Variants in TBCK observed in about 807,000 individuals in gnomAD.
TBCK encodes the protein TBC domain-containing protein kinase-like protein.
A neutral mutation model predicts 113.4 loss-of-function variants in TBCK; 99 were observed. The ratio of observed to expected loss-of-function variants is 0.87; its 90% CI spans 0.74 to 1.03. TBCK has a LOEUF of 1.03. TBCK is among the 50% of genes least tolerant of loss of function. The probability of loss-of-function intolerance (pLI) is 0.00; values close to 1 mark genes in which losing one functional copy is unlikely to be tolerated. For missense variants in TBCK, 1,045 were observed against 1,061.3 expected (o/e 0.98, Z 0.21); for synonymous variants, 369 against 370.8 (o/e 1.00, Z 0.05).
intron 25 of TBCK, among the ~76,000 whole-genome samples, chr4:106,087,621 C>T (rs879668130): frequency 2.0e-5 from 3 of 152,136 alleles, no homozygotes; most frequent in Non-Finnish European, 4.4e-5. Flanking sequence ...CCCATATAGG[C>T]AAGACAATCC....
chr4:106,222,154 C>T (rs1757770164), intron 19 of TBCK, among the ~76,000 whole-genome samples: 1 of 151,374 alleles, frequency 6.6e-6, no homozygotes, highest in South Asian at 2.1e-4. Flanking sequence ...TATTATATTA[C>T]AGTATAAAAT....
chr4:106,310,612 A>G (rs1381284621), intron 1 of TBCK: 1 of 152,216 alleles, frequency 6.6e-6, no homozygotes, highest in African/African-American at 2.4e-5. Flanking sequence ...AACTCCTCAC[A>G]ATTCCGGAAT....
intron 20 of TBCK, among the ~76,000 whole-genome samples, chr4:106,203,374 C>T (rs1560813859): frequency 1.3e-5 from 2 of 150,916 alleles, no homozygotes; most frequent in African/African-American, 2.4e-5. Flanking sequence ...TATTTTAATA[C>T]AGTTTTTTAC....
intron 3 of TBCK, among the ~76,000 whole-genome samples, chr4:106,286,559 T>G (rs1401182431): frequency 6.6e-6 from 1 of 152,164 alleles, no homozygotes; most frequent in East Asian, 1.9e-4. Flanking sequence ...TGGTGGCTCA[T>G]GCCTGTGCCT....
At chr4:106,215,100 A>G (rs1756705469) in intron 19 of TBCK, among the ~76,000 whole-genome samples, 1 of 151,446 alleles carries the variant, frequency 6.6e-6, no homozygotes, top group Non-Finnish European at 1.5e-5. Flanking sequence ...CTAGAATTTC[A>G]TATCCAGCCA....
intron 25 of TBCK, among the ~76,000 whole-genome samples, chr4:106,073,331 T>C (rs1737724715): frequency 6.6e-6 from 1 of 152,230 alleles, no homozygotes; most frequent in African/African-American, 2.4e-5. Flanking sequence ...TTTCTGTTTG[T>C]TAGTCTTCCT....
chr4:106,150,946 T>C lies in TBCK; in HGVS notation c.2235+20149A>G, dbSNP rs73838111. 2.5e-3 allele frequency among the ~76,000 whole-genome samples: 376 copies of C among 152,192 alleles called. 1 individual carries two copies. The highest frequency in any genetic ancestry group is 8.3e-3 in the African/African-American group (346 of 41,578). ...GAATTAAGCTCTGAGGGTCCAATGA[T>C]AAGAACAGTCCTTTCCTTAATGCAC... On this transcript the variant is annotated intron_variant, in intron 23 of 25. Transcript: ENST00000394708.
At chr4:106,172,598 GT>G (rs1751164734) in intron 22 of TBCK, among the ~76,000 whole-genome samples, 1 of 152,110 alleles carries the variant, frequency 6.6e-6, no homozygotes, top group Non-Finnish European at 1.5e-5. Context: ...ATGTCAGAAA[GT>G]GGTAAGTTCT....
chr4:106,171,361 T>G, intron 22 of TBCK, 91 bp from the exon 23 acceptor site: 1 of 895,858 alleles, frequency 1.1e-6, no homozygotes, highest in Non-Finnish European at 1.7e-6. Flanking sequence ...TGAATATATC[T>G]AAATATGGCT....
chr4:106,087,260 A>G (rs1226441173), intron 25 of TBCK, among the ~76,000 whole-genome samples: 1 of 152,252 alleles, frequency 6.6e-6, no homozygotes, highest in Non-Finnish European at 1.5e-5. Flanking sequence ...TCAATGTGCA[A>G]AAATCACAAG....
Position 106,251,937 on chromosome 4 carries a change from T to C in TBCK, c.526A>G (p.Lys176Glu). Residue 176 changes from lysine to glutamate, a missense_variant, in exon 6 of 26, where the codon AAA becomes GAA. Lys to Glu is a moderately conservative substitution (Grantham distance 56, BLOSUM62 1). Transcript: ENST00000394708. ...TTGGGGCCAGAAGGCAATGGTTTTT[T>C]ACTTGGCATGTGATCAGTGGTTTTG... ...IFKTTDHMPS[K>E]KPLPSGPKSD... 6.2e-7 allele frequency: 1 copy of C among 1,611,966 alleles called. No individual in the cohort carries two copies. The highest frequency in any genetic ancestry group is 1.1e-5 in the South Asian group (1 of 90,754).
chr4:106,169,721 A>G (rs1467577982), intron 23 of TBCK, among the ~76,000 whole-genome samples: 9 of 152,120 alleles, frequency 5.9e-5, no homozygotes, highest in African/African-American at 1.9e-4. Flanking sequence ...TTATTACATC[A>G]TAATATATAA....
In TBCK at chr4:106,272,484, T is replaced by C. The variant is rs948626775; in HGVS notation, c.267-10272A>G. Among the ~76,000 whole-genome samples the C allele has an allele frequency of 1.8e-3, 268 of 147,458 alleles. 2 individuals carry two copies. The highest frequency in any genetic ancestry group is 6.1e-4 in the Non-Finnish European group (41 of 67,276). ...TACTCAGCTCCAAAGTCATTGTTTATTTAATTTTTTTTTTTTTTTTTTTTT... is the reference window on the plus strand; with the variant it reads ...TACTCAGCTCCAAAGTCATTGTTTACTTAATTTTTTTTTTTTTTTTTTTTT... On this transcript the variant is annotated intron_variant, in intron 3 of 25. Coordinates refer to ENST00000394708, the MANE Select transcript of TBCK (RefSeq NM_001163435.3).
At chr4:106,149,174 G>T (rs1748187198) in intron 23 of TBCK, among the ~76,000 whole-genome samples, 1 of 152,148 alleles carries the variant, frequency 6.6e-6, no homozygotes, top group Non-Finnish European at 1.5e-5. Flanking sequence ...GGAATGTTGT[G>T]GCTGACTCAA....
intron 24 of TBCK, among the ~76,000 whole-genome samples, chr4:106,113,537 C>T (rs895188204): frequency 3.3e-5 from 5 of 152,176 alleles, no homozygotes; most frequent in Non-Finnish European, 4.4e-5. Flanking sequence ...CTTGTGTTCA[C>T]ACCCCCTCAG....
intron 9 of TBCK, 148 bp from the exon 10 acceptor site, chr4:106,247,435 A>G (rs1175672091): frequency 4.8e-6 from 3 of 623,254 alleles, no homozygotes; most frequent in Non-Finnish European, 8.0e-6. Context: ...GTCTAGATGC[A>G]TACTTTTATA....
At chr4:106,076,690 G>C (rs1738235166) in intron 25 of TBCK, among the ~76,000 whole-genome samples, 1 of 152,160 alleles carries the variant, frequency 6.6e-6, no homozygotes, top group African/African-American at 2.4e-5. Flanking sequence ...TTACAAGCCA[G>C]AAGAGACTGG....
At chr4:106,316,254 G>T, upstream of TBCK, 1 of 308,822 alleles carries the variant, frequency 3.2e-6, no homozygotes, top group Non-Finnish European at 6.1e-6. Flanking sequence ...CACAGCCACC[G>T]CGACCCAACG....
intron 22 of TBCK, among the ~76,000 whole-genome samples, chr4:106,186,028 C>A (rs550803113): frequency 6.6e-6 from 1 of 152,182 alleles, no homozygotes; most frequent in South Asian, 2.1e-4. Flanking sequence ...TAATGGCTTC[C>A]AGCTCCATCC....
Sources: allele counts gnomAD v4.1 joint callset (sites outside exome capture counted in the v4.1 genomes callset), GRCh38; gene constraint gnomAD v4.1.1; transcripts MANE v1.5; gene names NCBI Gene and HGNC (gene_info 2026-07-23, HGNC 2026-07-21).